Variants in CLCA4 observed in about 807,000 individuals in gnomAD.
The protein encoded by CLCA4 is chloride channel accessory 4.
Under a neutral mutation model 78.9 loss-of-function variants are expected in CLCA4, and 69 were observed. The ratio of observed to expected loss-of-function variants is 0.87; its 90% CI spans 0.72 to 1.07. CLCA4 has a LOEUF of 1.07. CLCA4 is among the 50% of genes least tolerant of loss of function. The probability of loss-of-function intolerance (pLI) is 0.00; values close to 1 mark genes in which losing one functional copy is unlikely to be tolerated. For synonymous variants in CLCA4, 362 were observed against 375.8 expected, an observed-to-expected ratio of 0.96 and a Z score of 0.42; for missense variants, 1,133 against 1,095.8, an observed-to-expected ratio of 1.03 and a Z score of -0.48.
chr1:86,570,738 C>T (rs1650326344), intron 7 of CLCA4, among the ~76,000 whole-genome samples: 1 of 152,004 alleles, frequency 6.6e-6, no homozygotes, highest in Non-Finnish European at 1.5e-5. Flanking sequence ...AAACATAACA[C>T]TAATTAATGT....
intron 1 of CLCA4, among the ~76,000 whole-genome samples, chr1:86,554,497 C>G (rs932909696): frequency 6.1e-4 from 93 of 151,950 alleles, no homozygotes; most frequent in African/African-American, 2.1e-3. Flanking sequence ...ACTCCTGACC[C>G]GAAGTGATCT....
intron 7 of CLCA4, among the ~76,000 whole-genome samples, chr1:86,568,913 C>T (rs187951095): frequency 3.8e-4 from 57 of 151,988 alleles, no homozygotes; most frequent in Non-Finnish European, 3.4e-4. Context: ...ATTCACATTG[C>T]GATTGTCACT....
At chr1:86,563,622 C>G (rs958675326) in intron 3 of CLCA4, 39 bp from the exon 4 acceptor site, 2 of 1,020,830 alleles carry the variant, frequency 2.0e-6, no homozygotes, top group Non-Finnish European at 2.9e-6. Context: ...AAACGTGTCA[C>G]TTGGATTATG....
chr1:86,561,660 CT>C (rs1359893529), intron 3 of CLCA4, among the ~76,000 whole-genome samples: 4 of 152,100 alleles, frequency 2.6e-5, no homozygotes, highest in Admixed American at 2.6e-4. Flanking sequence ...TCTCTACATT[CT>C]TCCTCTCTAT....
chr1:86,573,450 T>A (rs1236765172), intron 9 of CLCA4, among the ~76,000 whole-genome samples: 1 of 152,022 alleles, frequency 6.6e-6, no homozygotes, highest in Non-Finnish European at 1.5e-5. Flanking sequence ...TTCCTACATG[T>A]CTATGTCATG....
At chr1:86,559,336 G>T (rs1649945139) in intron 1 of CLCA4, among the ~76,000 whole-genome samples, 1 of 151,992 alleles carries the variant, frequency 6.6e-6, no homozygotes, top group African/African-American at 2.4e-5. Context: ...CAACCTAGCT[G>T]CTTCTCCTAA....
chr1:86,559,589 C>G (rs1381077527), intron 1 of CLCA4, among the ~76,000 whole-genome samples: 1 of 152,138 alleles, frequency 6.6e-6, no homozygotes, highest in Non-Finnish European at 1.5e-5. Flanking sequence ...ATAAATCAAC[C>G]AAGATCTGTC....
intron 1 of CLCA4, among the ~76,000 whole-genome samples, chr1:86,553,938 A>G (rs925364991): frequency 6.6e-6 from 1 of 152,168 alleles, no homozygotes; most frequent in Non-Finnish European, 1.5e-5. Flanking sequence ...TCTGTCCAAA[A>G]AAAAAAGTTT....
intron 3 of CLCA4, among the ~76,000 whole-genome samples, chr1:86,563,371 C>G (rs1271371453): frequency 6.6e-6 from 1 of 151,148 alleles, no homozygotes; most frequent in Non-Finnish European, 1.5e-5. Context: ...GACTTTTTAC[C>G]ACCAAGAACC....
chr1:86,569,655 G>A (rs966793530), intron 7 of CLCA4, among the ~76,000 whole-genome samples: 3 of 152,034 alleles, frequency 2.0e-5, no homozygotes, highest in South Asian at 2.1e-4. Flanking sequence ...AATACATAGC[G>A]AATGTTCAGT....
At chr1:86,568,930 G>A (rs959317325) in intron 7 of CLCA4, among the ~76,000 whole-genome samples, 3 of 151,940 alleles carry the variant, frequency 2.0e-5, no homozygotes, top group Non-Finnish European at 4.4e-5. Context: ...CACTTATCAG[G>A]TTTGTGACCC....
At chr1:86,559,839 C>T in intron 1 of CLCA4, 93 bp from the exon 2 acceptor site, 6 of 960,212 alleles carry the variant, frequency 6.2e-6, no homozygotes, top group Non-Finnish European at 9.6e-6. Context: ...CTTTTCTGTC[C>T]ACTCTTAAGT....
chr1:86,568,224 T>C (rs1650255967), intron 7 of CLCA4, among the ~76,000 whole-genome samples: 1 of 151,712 alleles, frequency 6.6e-6, no homozygotes, highest in Non-Finnish European at 1.5e-5. Flanking sequence ...CTTTGGACTC[T>C]TAGTGACTTA....
At chr1:86,567,166 C>G (rs1650223882) in intron 6 of CLCA4, among the ~76,000 whole-genome samples, 1 of 151,948 alleles carries the variant, frequency 6.6e-6, no homozygotes, top group Non-Finnish European at 1.5e-5. Context: ...ACCCTACCTT[C>G]CACCTCTTAC....
chr1:86,563,701 A>G lies in CLCA4; in HGVS notation c.489A>G (p.Gly163=). The part of the protein sequence containing the change: ...FVHEWAHLRW[G]VFDEYNEDQP... ...ATGAGTGGGCTCACCTCCGGTGGGG[A>G]GTGTTTGATGAGTACAATGAAGATC... The change falls in exon 4 of 14, where the codon GGA becomes GGG. Residue 163 remains glycine, a synonymous_variant. Transcript: ENST00000370563. 1 of 1,605,006 alleles carries G rather than the reference A, an allele frequency of 6.2e-7. No homozygotes were observed. Among genetic ancestry groups the G allele is most frequent in the East Asian group, 2.3e-5 (1 of 44,406 alleles).
At chr1:86,552,707 A>C in intron 1 of CLCA4, 11 of 1,348,698 alleles carry the variant, frequency 8.2e-6, no homozygotes, top group Non-Finnish European at 1.2e-5. Context: ...GACCGGAGCC[A>C]AGCCCTCGAG....
In CLCA4 at chr1:86,580,460, A is replaced by G. The variant is rs1650685783; in HGVS notation, c.*115A>G. 1.4e-6 allele frequency: 1 copy of G among 716,670 alleles called. No individual in the cohort carries two copies. The highest frequency in any genetic ancestry group is 2.0e-6 in the Non-Finnish European group (1 of 497,258). 44.4% of individuals were successfully genotyped at this position (716,670 alleles called of 1,614,324 possible). A position where few individuals can be genotyped will look rare whatever the true frequency, so the allele number is the denominator to read the frequency against. On this transcript the variant is annotated 3_prime_UTR_variant, in exon 14 of 14. Transcript: ENST00000370563. Reference sequence around the variant, plus strand: ...AAATTCATCCCATGTGTGATCATAAACTCATAAAAATAATTTTAAGATGTC... The same window carrying G: ...AAATTCATCCCATGTGTGATCATAAGCTCATAAAAATAATTTTAAGATGTC...
At chr1:86,550,238 T>C (rs987266396) in intron 1 of CLCA4, among the ~76,000 whole-genome samples, 3 of 152,216 alleles carry the variant, frequency 2.0e-5, no homozygotes, top group Non-Finnish European at 4.4e-5. Flanking sequence ...TATTTGCTTA[T>C]AGGTACCTTT....
intron 2 of CLCA4, 22 bp downstream of exon 2, chr1:86,560,094 T>G (rs1649971148): frequency 6.4e-7 from 1 of 1,562,930 alleles, no homozygotes; most frequent in Non-Finnish European, 8.6e-7. Context: ...AATATTCTCT[T>G]AAAAAATTAT....
Sources: gnomAD v4.1 joint callset for allele counts (sites outside exome capture counted in the v4.1 genomes callset) on GRCh38, gnomAD v4.1.1 for gene constraint, MANE v1.5 for transcripts, NCBI Gene and HGNC (gene_info 2026-07-23, HGNC 2026-07-21) for gene names.